GFOD1: variants seen among roughly 807,000 people sequenced by gnomAD.
GFOD1 encodes the protein glucose-fructose oxidoreductase domain-containing protein 1.
A neutral mutation model predicts 25.4 loss-of-function variants in GFOD1; 9 were observed. That is an observed-to-expected ratio of 0.35 (90% CI 0.21 to 0.62). The LOEUF (loss-of-function observed/expected upper bound fraction) is 0.62, where lower values mean the gene tolerates loss of function less well. Ranked by LOEUF, GFOD1 falls within the 20% of genes least tolerant of loss-of-function variation. GFOD1 has a pLI of 0.72. For missense variants in GFOD1, 403 were observed against 556.9 expected (o/e 0.72, Z 2.78); for synonymous variants, 253 against 245.6 (o/e 1.03, Z -0.28).
intron 1 of GFOD1, chr6:13,470,305 C>T (rs376470854): frequency 3.3e-5 from 52 of 1,583,698 alleles, no homozygotes; most frequent in African/African-American, 2.0e-4. Flanking sequence ...GCTGGAGGCC[C>T]GCTGCATTCA....
chr6:13,395,851 C>A (rs933585090), intron 1 of GFOD1, among the ~76,000 whole-genome samples: 1 of 152,204 alleles, frequency 6.6e-6, no homozygotes, highest in African/African-American at 2.4e-5. Flanking sequence ...CCCTGAGGGT[C>A]CCACTCAGGC....
chr6:13,442,430 G>A (rs1186154690), intron 1 of GFOD1, among the ~76,000 whole-genome samples: 1 of 152,004 alleles, frequency 6.6e-6, no homozygotes, highest in South Asian at 2.1e-4. Flanking sequence ...TTCATTACTG[G>A]TATTATGAAA....
At chr6:13,400,853 G>T (rs1785827366) in intron 1 of GFOD1, among the ~76,000 whole-genome samples, 1 of 152,138 alleles carries the variant, frequency 6.6e-6, no homozygotes, top group African/African-American at 2.4e-5. Flanking sequence ...AGGGAGACTG[G>T]TTCTTCACCT....
chr6:13,438,328 G>T (rs996288938), intron 1 of GFOD1, among the ~76,000 whole-genome samples: 1 of 152,170 alleles, frequency 6.6e-6, no homozygotes, highest in Non-Finnish European at 1.5e-5. Context: ...TTTCAACATG[G>T]AAGGCAAGAA....
chr6:13,481,518 T>C (rs1758750566), intron 1 of GFOD1, among the ~76,000 whole-genome samples: 2 of 152,204 alleles, frequency 1.3e-5, no homozygotes, highest in Admixed American at 6.5e-5. Context: ...GATGTTATTC[T>C]AGGTGCTGTG....
In GFOD1 at chr6:13,469,722, A is replaced by G. The variant is rs1454895813; in HGVS notation, c.253+16916T>C. On this transcript the variant is annotated intron_variant, in intron 1 of 1. Transcript: ENST00000379287. ...CCTTTTAGACATATCTATATTTCAG[A>G]TGTTCAAATGTGAAAATAATACATG... 1.2e-5 allele frequency: 14 copies of G among 1,182,364 alleles called. 1 individual carries two copies. Among genetic ancestry groups the G allele is most frequent in the Middle Eastern group, 3.0e-4 (1 of 3,364 alleles). The allele number at this position is 1,182,364 out of a possible 1,614,324, so 73.2% of individuals were successfully genotyped here. A position where few individuals can be genotyped will look rare whatever the true frequency, so the allele number is the denominator to read the frequency against.
intron 1 of GFOD1, among the ~76,000 whole-genome samples, chr6:13,434,157 G>C (rs1209370474): frequency 6.6e-5 from 10 of 152,038 alleles, no homozygotes; most frequent in Non-Finnish European, 1.5e-5. Context: ...GGAATATAGA[G>C]GTCAAGTGCA....
chr6:13,441,532 G>A (rs1757916262), intron 1 of GFOD1, among the ~76,000 whole-genome samples: 1 of 152,196 alleles, frequency 6.6e-6, no homozygotes, highest in Admixed American at 6.5e-5. Context: ...AGTAGATTTT[G>A]AACTAGTCTC....
In GFOD1 at chr6:13,365,190, G is replaced by A. The variant is rs554597063; in HGVS notation, c.726C>T (p.Pro242=). The A allele has an allele frequency of 3.7e-6, 6 of 1,613,968 alleles. No individual in the cohort carries two copies. The highest frequency in any genetic ancestry group is 2.7e-5 in the African/African-American group (2 of 75,054). Residue 242 remains proline (P), a synonymous_variant, in exon 2 of 2, where the codon CCC becomes CCT. Transcript: ENST00000379287. This position sits in a 1 kb window ranked among gnomAD's most constrained non-coding sequence, Gnocchi z 9.2. ...CAGTGACATCCTGCTTGAACTCGCC[G>A]GGCACGTTGAAGTTGAGGGTGACGG... ...CCTVTLNFNV[P]GEFKQDVTVV...
At chr6:13,437,212 G>A (rs940846850) in intron 1 of GFOD1, among the ~76,000 whole-genome samples, 1 of 152,116 alleles carries the variant, frequency 6.6e-6, no homozygotes. Context: ...CTGGTATTGG[G>A]TTTCTGCCTC....
At chr6:13,411,330 C>T (rs1786073928) in intron 1 of GFOD1, among the ~76,000 whole-genome samples, 2 of 152,130 alleles carry the variant, frequency 1.3e-5, no homozygotes, top group African/African-American at 4.8e-5. Flanking sequence ...CTCACTCTGT[C>T]AGCCAGGCTG....
At chr6:13,423,175 C>T (rs1360055159) in intron 1 of GFOD1, among the ~76,000 whole-genome samples, 1 of 152,074 alleles carries the variant, frequency 6.6e-6, no homozygotes, top group East Asian at 1.9e-4. Context: ...GAATGAAACC[C>T]CAGACAGTGT....
At chr6:13,373,499 G>T (rs747891829) in intron 1 of GFOD1, among the ~76,000 whole-genome samples, 21 of 152,106 alleles carry the variant, frequency 1.4e-4, no homozygotes, top group Non-Finnish European at 2.9e-4. Context: ...ATTCAAGAAA[G>T]ATTAAGCAGA....
In GFOD1 at chr6:13,438,094, G is replaced by A. The variant is rs149948819; in HGVS notation, c.253+48544C>T. On this transcript the variant is annotated intron_variant, in intron 1 of 1. Transcript: ENST00000379287. ...TAAATGCCAAATGGCGATGTTATGTGATGAAGGGTTTAGTAGGCTACACAC... is the reference window on the plus strand; with the variant it reads ...TAAATGCCAAATGGCGATGTTATGTAATGAAGGGTTTAGTAGGCTACACAC... 3.3e-5 allele frequency among the ~76,000 whole-genome samples: 5 copies of A among 152,338 alleles called. No individual in the cohort carries two copies. In the East Asian group the frequency reaches 9.6e-4, roughly 29 times the overall value.
intron 1 of GFOD1, among the ~76,000 whole-genome samples, chr6:13,475,958 T>C (rs958034534): frequency 3.3e-5 from 5 of 152,082 alleles, no homozygotes; most frequent in Non-Finnish European, 5.9e-5. Context: ...CTGGTGATGA[T>C]ATCAGAAAAT....
At chr6:13,399,971 C>G (rs1376686098) in intron 1 of GFOD1, among the ~76,000 whole-genome samples, 1 of 152,106 alleles carries the variant, frequency 6.6e-6, no homozygotes, top group African/African-American at 2.4e-5. Flanking sequence ...TTTGGGGAAG[C>G]CAATACATCA....
intron 1 of GFOD1, among the ~76,000 whole-genome samples, chr6:13,423,545 C>T (rs80207402): frequency 0.054 from 8,184 of 152,272 alleles, 293 homozygotes; most frequent in Non-Finnish European, 0.077. Context: ...GCGCAAAGCT[C>T]GAGGCAAGCG....
At chr6:13,408,907 G>GA (rs1223905360) in intron 1 of GFOD1, among the ~76,000 whole-genome samples, 1 of 151,754 alleles carries the variant, frequency 6.6e-6, no homozygotes, top group Non-Finnish European at 1.5e-5. Context: ...CTAACATGGT[G>GA]AAACCCCCTC....
At chr6:13,399,483 C>A (rs1180847061) in intron 1 of GFOD1, among the ~76,000 whole-genome samples, 3 of 152,120 alleles carry the variant, frequency 2.0e-5, no homozygotes, top group African/African-American at 7.2e-5. Flanking sequence ...ACTCAACATC[C>A]AACAGCAGCT....
Sources: gnomAD v4.1 joint callset for allele counts (sites outside exome capture counted in the v4.1 genomes callset) on GRCh38, gnomAD v4.1.1 for gene constraint, Gnocchi (gnomAD v3.1) non-coding constraint, MANE v1.5 for transcripts, NCBI Gene and HGNC (gene_info 2026-07-23, HGNC 2026-07-21) for gene names.